The following SLC24A3 variants were observed in gnomAD, a reference collection of about 807,000 sequenced individuals.
The protein encoded by SLC24A3 is solute carrier family 24 member 3, also known as sodium/potassium/calcium exchanger 3.
SLC24A3 carries 28 observed loss-of-function variants against 75.8 expected under a neutral mutation model. The ratio of observed to expected loss-of-function variants is 0.37; its 90% CI spans 0.27 to 0.51. The LOEUF is 0.51. Among genes scored for constraint, SLC24A3 ranks in the 20% least tolerant of loss-of-function variants. The pLI is 0.94. For synonymous variants in SLC24A3, 372 were observed against 334.1 expected (o/e 1.11, Z -1.24); for missense variants, 663 against 847.8 (o/e 0.78, Z 2.71).
chr20:19,312,550 A>G (rs952244144), intron 2 of SLC24A3, among the ~76,000 whole-genome samples: 1 of 152,242 alleles, frequency 6.6e-6, no homozygotes. Context: ...AAGGAGGCCC[A>G]GAAGGTGGGA....
intron 12 of SLC24A3, among the ~76,000 whole-genome samples, chr20:19,691,472 T>A (rs1488874442): frequency 6.6e-6 from 1 of 152,106 alleles, no homozygotes; most frequent in Admixed American, 6.5e-5. Context: ...GAGACCTGAT[T>A]TTACTCTAAG....
intron 2 of SLC24A3, among the ~76,000 whole-genome samples, chr20:19,348,218 G>A (rs2122320630): frequency 6.6e-6 from 1 of 152,302 alleles, no homozygotes; most frequent in South Asian, 2.1e-4. Flanking sequence ...TTCTTTATGG[G>A]CTGGCAAAAG....
chr20:19,607,903 G>C (rs2031619034), intron 6 of SLC24A3, among the ~76,000 whole-genome samples: 1 of 152,206 alleles, frequency 6.6e-6, no homozygotes, highest in African/African-American at 2.4e-5. Flanking sequence ...ATGTCTAGCT[G>C]TCTTTCCCCT....
intron 2 of SLC24A3, among the ~76,000 whole-genome samples, chr20:19,296,903 A>T (rs1478680022): frequency 6.6e-6 from 1 of 152,250 alleles, no homozygotes; most frequent in African/African-American, 2.4e-5. Context: ...AGTCTCTCAG[A>T]CCATGGCTCA....
At chr20:19,218,014 T>C (rs903355618) in intron 1 of SLC24A3, among the ~76,000 whole-genome samples, 14 of 152,136 alleles carry the variant, frequency 9.2e-5, no homozygotes, top group African/African-American at 2.9e-4. Flanking sequence ...GTCCAGGAGG[T>C]CAGGGACCCT....
chr20:19,592,793 C>CTTTTTTTTTTTTTT (rs11471623), intron 6 of SLC24A3, among the ~76,000 whole-genome samples: 1 of 119,688 alleles, frequency 8.4e-6, no homozygotes, highest in Non-Finnish European at 1.7e-5. Context: ...TTCTTTCTTT[C>CTTTTTTTTTTTTTT]TTTCTTTTTT....
Position 19,580,015 on chromosome 20 carries a change from T to C in SLC24A3, c.364T>C (p.Tyr122His). The C allele has an allele frequency of 6.2e-7, 1 of 1,613,546 alleles. No homozygotes were observed. The highest frequency in any genetic ancestry group is 8.5e-7 in the Non-Finnish European group (1 of 1,179,414). ...TCTCTTCCAGGCCATATACATGTTCTATGCGCTGGCCATTGTGTGTGATGA... is the reference window on the plus strand; with the variant it reads ...TCTCTTCCAGGCCATATACATGTTCCATGCGCTGGCCATTGTGTGTGATGA... Reference protein sequence around the residue: ...LHVLCAIYMFYALAIVCDDFF... With the variant: ...LHVLCAIYMFHALAIVCDDFF... Residue 122 changes from tyrosine (Y) to histidine (H), a missense_variant, in exon 4 of 17, where the codon TAT becomes CAT. By Grantham distance (83) the Tyr-to-His change is moderately conservative. Coordinates refer to ENST00000328041, the MANE Select transcript of SLC24A3 (RefSeq NM_020689.4).
At chr20:19,247,897 G>A (rs1237452821) in intron 1 of SLC24A3, among the ~76,000 whole-genome samples, 1 of 152,134 alleles carries the variant, frequency 6.6e-6, no homozygotes, top group Non-Finnish European at 1.5e-5. Flanking sequence ...TAATTGTGTG[G>A]TTTGGGGTTA....
chr20:19,504,538 G>A (rs972778897), intron 2 of SLC24A3, among the ~76,000 whole-genome samples: 6 of 152,142 alleles, frequency 3.9e-5, no homozygotes, highest in Admixed American at 2.0e-4. Flanking sequence ...TGAGGGCATT[G>A]AACAGGAATG....
At chr20:19,636,084 G>A (rs2031999199) in intron 6 of SLC24A3, among the ~76,000 whole-genome samples, 1 of 152,186 alleles carries the variant, frequency 6.6e-6, no homozygotes, top group Non-Finnish European at 1.5e-5. Context: ...AGCTTGCAAT[G>A]AGCCAAGATC....
intron 15 of SLC24A3, among the ~76,000 whole-genome samples, chr20:19,705,213 C>T (rs1334916442): frequency 1.3e-5 from 2 of 152,152 alleles, no homozygotes; most frequent in South Asian, 4.1e-4. Flanking sequence ...CCTAAAAGTA[C>T]CAACAGGCAT....
intron 6 of SLC24A3, among the ~76,000 whole-genome samples, chr20:19,633,950 G>C (rs1209943194): frequency 1.3e-5 from 2 of 152,092 alleles, no homozygotes; most frequent in Non-Finnish European, 2.9e-5. Flanking sequence ...TGCTGTTACT[G>C]TTTGTAAAGG....
chr20:19,553,210 C>A (rs1376644642), intron 3 of SLC24A3, among the ~76,000 whole-genome samples: 2 of 152,034 alleles, frequency 1.3e-5, no homozygotes, highest in African/African-American at 4.8e-5. Context: ...CGTGTGCACA[C>A]CTCTGTGTGC....
In SLC24A3 at chr20:19,259,272, C is replaced by T. The variant is rs540371434; in HGVS notation, c.143-21687C>T. On this transcript the variant is annotated intron_variant, in intron 1 of 16. Transcript: ENST00000328041. Reference sequence around the variant, plus strand: ...AGGTGCTGGGACACTCTGACTCCACCGTACAGATGTCTCAGGAGCAAAGGA... The same window carrying T: ...AGGTGCTGGGACACTCTGACTCCACTGTACAGATGTCTCAGGAGCAAAGGA... Among the ~76,000 whole-genome samples the T allele has an allele frequency of 5.8e-4, 88 of 152,294 alleles. 2 individuals are homozygous for T. The highest frequency in any genetic ancestry group is 5.5e-3 in the Admixed American group (84 of 15,302).
intron 2 of SLC24A3, among the ~76,000 whole-genome samples, chr20:19,476,153 G>A (rs942561938): frequency 2.6e-5 from 4 of 152,202 alleles, no homozygotes; most frequent in African/African-American, 9.7e-5. Flanking sequence ...CCTGCCCAAT[G>A]TCTTCCTTGC....
At chr20:19,507,482 G>A (rs775698963) in intron 2 of SLC24A3, among the ~76,000 whole-genome samples, 4 of 152,224 alleles carry the variant, frequency 2.6e-5, no homozygotes, top group Non-Finnish European at 5.9e-5. Context: ...TGGGGTTGGG[G>A]ATTCTGGTAT....
chr20:19,258,628 G>A (rs1197919711), intron 1 of SLC24A3, among the ~76,000 whole-genome samples: 1 of 152,208 alleles, frequency 6.6e-6, no homozygotes, highest in Non-Finnish European at 1.5e-5. Context: ...CTTGAATCCA[G>A]GAGGCGGAAG....
At chr20:19,345,523 G>A (rs1341464061) in intron 2 of SLC24A3, among the ~76,000 whole-genome samples, 3 of 152,022 alleles carry the variant, frequency 2.0e-5, no homozygotes, top group African/African-American at 7.2e-5. Flanking sequence ...CGGTAATCAA[G>A]ACAATGTGGT....
chr20:19,337,350 A>C (rs1313115301), intron 2 of SLC24A3, among the ~76,000 whole-genome samples: 1 of 152,188 alleles, frequency 6.6e-6, no homozygotes, highest in Non-Finnish European at 1.5e-5. Flanking sequence ...AGGCTGAGAC[A>C]GGAGAATCAC....
Sources: allele counts gnomAD v4.1 joint callset (sites outside exome capture counted in the v4.1 genomes callset), GRCh38; gene constraint gnomAD v4.1.1; transcripts MANE v1.5; gene names NCBI Gene and HGNC (gene_info 2026-07-23, HGNC 2026-07-21).